The following CADPS variants were observed in gnomAD, a reference collection of about 807,000 sequenced individuals.
CADPS encodes the protein calcium dependent secretion activator, also known as calcium-dependent secretion activator 1.
In CADPS, 57 loss-of-function variants were observed where a neutral mutation model predicts 167.3. The ratio of observed to expected loss-of-function variants is 0.34; its 90% confidence interval spans 0.28 to 0.42. The LOEUF (loss-of-function observed/expected upper bound fraction) is 0.42, where lower values mean the gene tolerates loss of function less well. CADPS is among the 20% of genes least tolerant of loss of function. The probability of loss-of-function intolerance (pLI) is 1.00; values close to 1 mark genes in which losing one functional copy is unlikely to be tolerated. For missense variants in CADPS, 1,414 were observed against 1,738.1 expected, an observed-to-expected ratio of 0.81 and a Z score of 3.32; for synonymous variants, 676 against 635.3, an observed-to-expected ratio of 1.06 and a Z score of -0.96.
intron 3 of CADPS, among the ~76,000 whole-genome samples, chr3:62,698,338 A>G (rs1275832004): frequency 6.6e-6 from 1 of 152,050 alleles, no homozygotes; most frequent in African/African-American, 2.4e-5. Context: ...GTCTCTTTGC[A>G]CTCAAGTTAC....
intron 18 of CADPS, among the ~76,000 whole-genome samples, chr3:62,495,190 A>C (rs2064497057): frequency 6.6e-6 from 1 of 152,212 alleles, no homozygotes; most frequent in Non-Finnish European, 1.5e-5. Context: ...TTAGGGATCT[A>C]GTGAACCAAG....
chr3:62,649,543 CTTTTTTTTTTT>C lies in CADPS; in HGVS notation c.1203+1293_1203+1303del, dbSNP rs369874258. On this transcript the variant is annotated intron_variant, in intron 5 of 29. Transcript: ENST00000383710. ...TCAAGGGAATCATACAATATGTGGT[CTTTTTTTTTTT>C]TTTTTTTTTTTTTTTTTTTTTTTAA... 9.3e-3 allele frequency among the ~76,000 whole-genome samples: 352 copies of C among 37,808 alleles called. 3 individuals are homozygous for C. Among genetic ancestry groups the C allele is most frequent in the African/African-American group, 0.035 (312 of 9,014 alleles). The allele number at this position is 37,808 out of a possible 152,430, so 24.8% of individuals were successfully genotyped here. A position where few individuals can be genotyped will look rare whatever the true frequency, so the allele number is the denominator to read the frequency against.
intron 4 of CADPS, among the ~76,000 whole-genome samples, chr3:62,651,976 C>T (rs540700473): frequency 1.1e-4 from 17 of 152,064 alleles, no homozygotes; most frequent in African/African-American, 1.4e-4. Flanking sequence ...CTGGGGTAGA[C>T]CCAGCTTCAG....
chr3:62,709,831 G>A (rs1387341706), intron 3 of CADPS, among the ~76,000 whole-genome samples: 1 of 151,986 alleles, frequency 6.6e-6, no homozygotes, highest in Non-Finnish European at 1.5e-5. Context: ...GTGCAGTGGT[G>A]TAATCTCGGC....
intron 11 of CADPS, among the ~76,000 whole-genome samples, chr3:62,539,059 T>G (rs1246469369): frequency 6.6e-6 from 1 of 152,166 alleles, no homozygotes; most frequent in Admixed American, 6.5e-5. Flanking sequence ...AAAGTAACCT[T>G]GTCAAAATAA....
intron 3 of CADPS, among the ~76,000 whole-genome samples, chr3:62,729,090 T>A (rs980724310): frequency 6.6e-6 from 1 of 151,986 alleles, no homozygotes; most frequent in East Asian, 1.9e-4. Flanking sequence ...CCCCTTGGCC[T>A]TAGCATCTGG....
rs115127868 is a variant in CADPS at position 62,821,333 on chromosome 3, C to T, written c.441+53256G>A. Among the ~76,000 whole-genome samples, 401 of 152,204 alleles carry T rather than the reference C, an allele frequency of 2.6e-3. 4 individuals are homozygous for T. The highest frequency in any genetic ancestry group is 9.4e-3 in the African/African-American group (390 of 41,520). On this transcript the variant is annotated intron_variant, in intron 1 of 29. Coordinates refer to ENST00000383710, the MANE Select transcript of CADPS (RefSeq NM_003716.4). The stretch of plus-strand genomic sequence containing the variant: ...GTGTTGGTTTTCTAGGCTGCCTTAA[C>T]AAAATATCACAAACTGGGTGGCTTA...
chr3:62,716,084 G>A (rs6775504), intron 3 of CADPS, among the ~76,000 whole-genome samples: 33,848 of 151,720 alleles, frequency 0.22, 5,063 homozygotes, highest in East Asian at 0.67. Context: ...TTTTGAGACA[G>A]AGTTTTGCTC....
At chr3:62,488,766 A>G (rs1213027091) in intron 21 of CADPS, among the ~76,000 whole-genome samples, 2 of 152,062 alleles carry the variant, frequency 1.3e-5, no homozygotes, top group East Asian at 1.9e-4. Context: ...TTGGGATTAC[A>G]AGTGTGAACA....
chr3:62,406,675 G>A (rs1326168355), intron 28 of CADPS, among the ~76,000 whole-genome samples: 21 of 152,024 alleles, frequency 1.4e-4, no homozygotes, highest in Non-Finnish European at 2.9e-5. Flanking sequence ...CTAAAACACA[G>A]CACTAAAGAA....
In CADPS at chr3:62,692,383, C is replaced by CA. The variant is rs757498654; in HGVS notation, c.889-29990_889-29989insT. Among the ~76,000 whole-genome samples the CA allele has an allele frequency of 1.7e-4, 12 of 70,720 alleles. No individual in the cohort carries two copies. In the East Asian group the frequency reaches 0.014, roughly 80 times the overall value. 46.4% of individuals were successfully genotyped at this position (70,720 alleles called of 152,430 possible). ...CAAATGCCTTGCACACTTATGAGTA[C>CA]GGTTTTTTCCTGAATAGCAGCAGAC... On this transcript the variant is annotated intron_variant, in intron 3 of 29. Coordinates refer to ENST00000383710, the MANE Select transcript of CADPS (RefSeq NM_003716.4).
At chr3:62,424,747 A>G (rs185863325) in intron 28 of CADPS, among the ~76,000 whole-genome samples, 12 of 152,344 alleles carry the variant, frequency 7.9e-5, no homozygotes, top group Non-Finnish European at 1.3e-4. Context: ...CCAGAATACT[A>G]TATTTTCAAG....
intron 2 of CADPS, among the ~76,000 whole-genome samples, chr3:62,757,484 A>G (rs918804564): frequency 6.6e-6 from 1 of 152,120 alleles, no homozygotes; most frequent in African/African-American, 2.4e-5. Flanking sequence ...TGAATGAACT[A>G]TAAGAGCAAA....
chr3:62,511,136 A>G (rs1312554069), intron 17 of CADPS, among the ~76,000 whole-genome samples: 3 of 151,240 alleles, frequency 2.0e-5, no homozygotes, highest in Non-Finnish European at 4.4e-5. Flanking sequence ...CTTTCTTCTG[A>G]AAAAATCCAT....
At chr3:62,807,396 G>T (rs771674601) in intron 1 of CADPS, among the ~76,000 whole-genome samples, 3 of 151,714 alleles carry the variant, frequency 2.0e-5, no homozygotes, top group Non-Finnish European at 2.9e-5. Context: ...CAAGTAGCTG[G>T]GATTACAGGT....
At chr3:62,473,863 AAC>A (rs1172050714) in intron 24 of CADPS, 1 of 223,564 alleles carries the variant, frequency 4.5e-6, no homozygotes, top group Non-Finnish European at 8.6e-6. Context: ...CATTCTGGCA[AAC>A]ACAGATCTGT....
rs2060079603 is a variant in CADPS, at chr3:62,602,264, G to A, written c.1326-9516C>T. On this transcript the variant is annotated intron_variant, in intron 6 of 29. Coordinates refer to ENST00000383710, the MANE Select transcript of CADPS (RefSeq NM_003716.4). The surrounding 1 kb of genome is among the most constrained non-coding windows in gnomAD (Gnocchi z 4.4). Reference sequence around the variant, plus strand: ...TTGGATTTTGTGCAGGTTGGTGCTGGGGTCGGGGGTGGGGGGATGTCATTA... The same window carrying A: ...TTGGATTTTGTGCAGGTTGGTGCTGAGGTCGGGGGTGGGGGGATGTCATTA... Among the ~76,000 whole-genome samples, 2 of 133,728 alleles carry A rather than the reference G, an allele frequency of 1.5e-5. No individual in the cohort carries two copies. The highest frequency in any genetic ancestry group is 2.7e-5 in the African/African-American group (1 of 36,778). 87.7% of individuals were successfully genotyped at this position (133,728 alleles called of 152,430 possible).
At chr3:62,859,468 A>G (rs2080345467) in intron 1 of CADPS, among the ~76,000 whole-genome samples, 1 of 152,190 alleles carries the variant, frequency 6.6e-6, no homozygotes, top group African/African-American at 2.4e-5. Flanking sequence ...AGAAAACTGA[A>G]AAGCTCTTTG....
chr3:62,593,310 G>A (rs1196353654), intron 6 of CADPS, among the ~76,000 whole-genome samples: 1 of 152,162 alleles, frequency 6.6e-6, no homozygotes, highest in Non-Finnish European at 1.5e-5. Context: ...TGAGGATGTG[G>A]GAAATGCCAT....
Sources: gnomAD v4.1 joint callset for allele counts (sites outside exome capture counted in the v4.1 genomes callset) on GRCh38, gnomAD v4.1.1 for gene constraint, Gnocchi (gnomAD v3.1) non-coding constraint, MANE v1.5 for transcripts, NCBI Gene and HGNC (gene_info 2026-07-23, HGNC 2026-07-21) for gene names.